USP53: variants seen among roughly 807,000 people sequenced by gnomAD.
USP53 encodes ubiquitin specific peptidase 53, also known as ubiquitin carboxyl-terminal hydrolase 53.
A neutral mutation model predicts 94.9 loss-of-function variants in USP53; 71 were observed. That is an observed-to-expected ratio of 0.75 (90% CI 0.62 to 0.91). USP53 has a LOEUF of 0.91. USP53 is among the 40% of genes least tolerant of loss of function. The pLI is 0.00. For missense variants in USP53, 1,173 were observed against 1,281.0 expected (o/e 0.92, Z 1.29); for synonymous variants, 375 against 422.7 (o/e 0.89, Z 1.39).
At chr4:119,244,852 T>C (rs1511019) in intron 5 of USP53, among the ~76,000 whole-genome samples, 1 of 152,062 alleles carries the variant, frequency 6.6e-6, no homozygotes, top group East Asian at 1.9e-4. Context: ...TCTTGTTCCA[T>C]GTACAGTGAC....
intron 7 of USP53, among the ~76,000 whole-genome samples, chr4:119,254,292 C>T (rs1342882541): frequency 6.6e-6 from 1 of 152,192 alleles, no homozygotes; most frequent in Non-Finnish European, 1.5e-5. Flanking sequence ...GGAAGTTCTC[C>T]TGGATAATAT....
Position 119,248,796 on chromosome 4 carries a change from G to C in USP53, c.286G>C (p.Asp96His), listed in dbSNP as rs1246259135. ...CAGTCGAGAAAAAGCACTTCCCTCA[G>C]ATAACATAAGGCATGCTCTTGCAGA... ...QHSREKALPS[D>H]NIRHALAESF... is the part of the protein sequence containing the mutation. Residue 96 changes from aspartate to histidine, a missense_variant, in exon 7 of 19, where the codon GAT (aspartate) becomes CAT (histidine). Asp to His is a moderately conservative substitution (Grantham distance 81). Coordinates refer to ENST00000692078, the MANE Select transcript of USP53 (RefSeq NM_001371395.1). The C allele has an allele frequency of 9.3e-6, 15 of 1,613,960 alleles. No homozygotes were observed. The highest frequency in any genetic ancestry group is 1.3e-5 in the Non-Finnish European group (15 of 1,180,022).
Position 119,268,388 on chromosome 4 carries a change from G to A in USP53, c.1256G>A (p.Ser419Asn), listed in dbSNP as rs1427321336. 1.9e-6 allele frequency: 3 copies of A among 1,613,826 alleles called. No homozygotes were observed. Among genetic ancestry groups the A allele is most frequent in the Admixed American group, 1.7e-5 (1 of 59,986 alleles). The change falls in exon 14 of 19, where the codon AGC becomes AAC. Residue 419 changes from serine (S) to asparagine (N), a missense_variant. Physicochemically the swap from Ser to Asn is conservative, Grantham distance 46. Transcript: ENST00000692078. ...GATAATATTTCATCATCTAATCGGA[G>A]CCACAGTCACACAGGTGTAGGGAAA... ...PTDNISSSNR[S>N]HSHTGVGKGP...
chr4:119,275,285 G>A (rs1752468066), intron 17 of USP53, among the ~76,000 whole-genome samples: 1 of 104,290 alleles, frequency 9.6e-6, no homozygotes, highest in African/African-American at 3.4e-5. Context: ...TAAGGTGTAA[G>A]GAAGGGATCC....
chr4:119,268,374 A>G lies in USP53; in HGVS notation c.1242A>G (p.Ser414=), dbSNP rs1751445136. The G allele has an allele frequency of 1.2e-6, 2 of 1,614,032 alleles. No homozygotes were observed. The highest frequency in any genetic ancestry group is 1.7e-6 in the Non-Finnish European group (2 of 1,179,928). ...ENQKFPTDNI[S]SSNRSHSHTG... Reference sequence around the variant, plus strand: ...AGAAATTTCCAACTGATAATATTTCATCATCTAATCGGAGCCACAGTCACA... The same window carrying G: ...AGAAATTTCCAACTGATAATATTTCGTCATCTAATCGGAGCCACAGTCACA... The change falls in exon 14 of 19, where the codon TCA becomes TCG. Residue 414 remains serine (S), a synonymous_variant. Coordinates refer to ENST00000692078, the MANE Select transcript of USP53 (RefSeq NM_001371395.1).
chr4:119,268,768 A>T (rs1393170338), intron 14 of USP53, among the ~76,000 whole-genome samples: 1 of 152,226 alleles, frequency 6.6e-6, no homozygotes, highest in Non-Finnish European at 1.5e-5. Context: ...CCAAAATTAA[A>T]TTTACTGGTA....
intron 7 of USP53, 72 bp downstream of exon 7, chr4:119,248,954 A>T: frequency 3.2e-6 from 5 of 1,547,768 alleles, no homozygotes; most frequent in Non-Finnish European, 4.4e-6. Flanking sequence ...AAGTGTTGAG[A>T]CAAATGAAAC....
At chr4:119,215,482 T>C (rs1285174611) in intron 2 of USP53, among the ~76,000 whole-genome samples, 1 of 152,116 alleles carries the variant, frequency 6.6e-6, no homozygotes, top group Non-Finnish European at 1.5e-5. Flanking sequence ...TTTAGGCAAA[T>C]AATATTCTGT....
chr4:119,268,288 C>T lies in USP53; in HGVS notation c.1156C>T (p.His386Tyr). The change falls in exon 14 of 19, where the codon CAT (histidine) becomes TAT (tyrosine). Residue 386 changes from histidine (H) to tyrosine (Y), a missense_variant. By Grantham distance (83) the His-to-Tyr change is moderately conservative. Transcript: ENST00000692078. ...ENMGCEKPVI[H>Y]KSDNLKENGF... is the part of the protein sequence containing the mutation. ...TTAAGGATGTGAAAAGCCTGTAATT[C>T]ATAAGTCAGATAATTTAAAAGAAAA... The T allele has an allele frequency of 6.2e-7, 1 of 1,610,966 alleles. No individual in the cohort carries two copies. Among genetic ancestry groups the T allele is most frequent in the African/African-American group, 1.3e-5 (1 of 74,698 alleles).
rs772694003 is a variant in USP53 at position 119,267,339 on chromosome 4, ATGT to A, written c.996_998del (p.Val333del). ...TAAAAGATTGGAACTAGATGGAAAGATGTTGTCTCCAAATGCATTCGATGCCAC... is the reference window on the plus strand; with the variant it reads ...TAAAAGATTGGAACTAGATGGAAAGATGTCTCCAAATGCATTCGATGCCAC... On this transcript the variant is annotated inframe_deletion, in exon 13 of 19. Transcript: ENST00000692078. 9 of 1,613,476 alleles carry A rather than the reference ATGT, an allele frequency of 5.6e-6. No individual in the cohort carries two copies. The highest frequency in any genetic ancestry group is 1.3e-5 in the African/African-American group (1 of 74,864).
intron 17 of USP53, among the ~76,000 whole-genome samples, chr4:119,288,998 G>T (rs1200146438): frequency 1.3e-5 from 2 of 149,766 alleles, no homozygotes; most frequent in Non-Finnish European, 3.0e-5. Context: ...TCCAAGTGTT[G>T]ATACATTTCA....
At chr4:119,262,923 A>G (rs191798475) in intron 12 of USP53, among the ~76,000 whole-genome samples, 2 of 152,380 alleles carry the variant, frequency 1.3e-5, no homozygotes, top group Admixed American at 1.3e-4. Context: ...TAAGTTCTAC[A>G]GGAAATTCAG....
At chr4:119,279,636 G>A (rs1356193330) in intron 17 of USP53, among the ~76,000 whole-genome samples, 3 of 151,906 alleles carry the variant, frequency 2.0e-5, no homozygotes, top group African/African-American at 4.8e-5. Context: ...CACCCAGTTC[G>A]AGCTTCCTGG....
chr4:119,252,979 A>G (rs1749244347), intron 7 of USP53, among the ~76,000 whole-genome samples: 1 of 151,652 alleles, frequency 6.6e-6, no homozygotes, highest in African/African-American at 2.4e-5. Context: ...TTCTGCCTTC[A>G]TTTTGTTAGT....
At chr4:119,255,319 CG>C (rs1749612207) in intron 7 of USP53, among the ~76,000 whole-genome samples, 1 of 152,198 alleles carries the variant, frequency 6.6e-6, no homozygotes, top group Non-Finnish European at 1.5e-5. Context: ...TGTTCAGATA[CG>C]CCCTGCCCCT....
intron 17 of USP53, among the ~76,000 whole-genome samples, chr4:119,288,385 T>C (rs1754349022): frequency 6.6e-6 from 1 of 152,214 alleles, no homozygotes. Flanking sequence ...GATGTTTTCA[T>C]GTATGAAGAA....
intron 3 of USP53, among the ~76,000 whole-genome samples, chr4:119,234,092 A>C (rs148960728): frequency 2.1e-3 from 320 of 152,242 alleles, no homozygotes; most frequent in African/African-American, 7.1e-3. Flanking sequence ...ACCATTTCCC[A>C]AACTGTTTGT....
intron 8 of USP53, 40 bp downstream of exon 8, chr4:119,256,399 T>G (rs369177077): frequency 2.9e-5 from 47 of 1,613,438 alleles, no homozygotes; most frequent in Non-Finnish European, 3.6e-5. Flanking sequence ...TGTAGTTCTG[T>G]TTTATGATTG....
chr4:119,239,614 A>G lies in USP53; in HGVS notation c.-146A>G. ...AGAGTCTTTAAGAGTTTATAACATC[A>G]GGAAAGATATGGACTTGGAAACTTA... On this transcript the variant is annotated 5_prime_UTR_variant, in exon 5 of 19. Coordinates refer to ENST00000692078, the MANE Select transcript of USP53 (RefSeq NM_001371395.1). 2.1e-6 allele frequency: 2 copies of G among 937,754 alleles called. No individual in the cohort carries two copies. Among genetic ancestry groups the G allele is most frequent in the South Asian group, 4.3e-5 (2 of 46,344 alleles). 58.1% of individuals were successfully genotyped at this position (937,754 alleles called of 1,614,324 possible). A position where few individuals can be genotyped will look rare whatever the true frequency, so the allele number is the denominator to read the frequency against.
Sources: gnomAD v4.1 joint callset for allele counts (sites outside exome capture counted in the v4.1 genomes callset) on GRCh38, gnomAD v4.1.1 for gene constraint, MANE v1.5 for transcripts, NCBI Gene and HGNC (gene_info 2026-07-23, HGNC 2026-07-21) for gene names.